TRPM3: variants seen among roughly 807,000 people sequenced by gnomAD.
TRPM3 encodes transient receptor potential cation channel subfamily M member 3.
TRPM3 carries 77 observed loss-of-function variants against 181.2 expected under a neutral mutation model. The observed-to-expected ratio is 0.42, with a 90% confidence interval of 0.35 to 0.51. The LOEUF is 0.51. TRPM3 is among the 20% of genes least tolerant of loss of function. TRPM3 has a pLI of 0.01. For synonymous variants in TRPM3, 745 were observed against 796.4 expected (o/e 0.94, Z 1.09); for missense variants, 1,759 against 2,196.7 (o/e 0.80, Z 3.98).
intron 1 of TRPM3, among the ~76,000 whole-genome samples, chr9:71,013,852 T>A (rs191765464): frequency 6.6e-6 from 1 of 152,194 alleles, no homozygotes; most frequent in East Asian, 1.9e-4. Flanking sequence ...ATTTGTCTAA[T>A]TGATGACCTA....
intron 22 of TRPM3, among the ~76,000 whole-genome samples, chr9:70,586,487 G>A: frequency 6.6e-6 from 1 of 152,220 alleles, no homozygotes. Flanking sequence ...TCTATAACGT[G>A]AGCTGGCTTT....
At chr9:71,077,414 C>T (rs2063616018) in intron 1 of TRPM3, among the ~76,000 whole-genome samples, 1 of 152,188 alleles carries the variant, frequency 6.6e-6, no homozygotes. Flanking sequence ...GACTCATCAT[C>T]ACACACTCCT....
intron 1 of TRPM3, among the ~76,000 whole-genome samples, chr9:71,021,943 A>G (rs1013875753): frequency 2.6e-5 from 4 of 152,226 alleles, no homozygotes; most frequent in Admixed American, 2.0e-4. Context: ...TAGGCAAAAA[A>G]CAAAAGAAGC....
rs536955256 is a variant in TRPM3 at position 70,934,867 on chromosome 9, C to T, written c.178-70356G>A. Among the ~76,000 whole-genome samples the T allele has an allele frequency of 5.9e-5, 9 of 151,986 alleles. No homozygotes were observed. The South Asian group carries it at 1.7e-3, about 28-fold the overall frequency. ...GAATTGCGCAATGGAATGACCTCCTCCCCCCAAAAAAAATAAAAACAAGGA... is the reference window on the plus strand; with the variant it reads ...GAATTGCGCAATGGAATGACCTCCTTCCCCCAAAAAAAATAAAAACAAGGA... On this transcript the variant is annotated intron_variant, in intron 1 of 25. Coordinates refer to ENST00000677713, the MANE Select transcript of TRPM3 (RefSeq NM_001366145.2).
intron 1 of TRPM3, among the ~76,000 whole-genome samples, chr9:71,057,275 C>T (rs1050063798): frequency 2.0e-5 from 3 of 152,016 alleles, no homozygotes; most frequent in Non-Finnish European, 4.4e-5. Context: ...GACACTTTCT[C>T]TACCATTGAG....
At chr9:71,395,921 A>C (rs1327824680) in intron 1 of TRPM3, among the ~76,000 whole-genome samples, 1 of 152,146 alleles carries the variant, frequency 6.6e-6, no homozygotes, top group South Asian at 2.1e-4. Context: ...AATTTGGGGA[A>C]TGTACAAAGG....
At chr9:71,217,019 C>T (rs982000343) in intron 1 of TRPM3, among the ~76,000 whole-genome samples, 3 of 130,400 alleles carry the variant, frequency 2.3e-5, no homozygotes, top group South Asian at 5.2e-4. Flanking sequence ...GGCGCGATCT[C>T]GGCTCACTGC....
intron 1 of TRPM3, among the ~76,000 whole-genome samples, chr9:71,433,196 T>C (rs964626422): frequency 2.0e-5 from 3 of 152,186 alleles, no homozygotes; most frequent in Admixed American, 6.5e-5. Flanking sequence ...ATCTCTGATA[T>C]GGTTTTGCTA....
intron 1 of TRPM3, among the ~76,000 whole-genome samples, chr9:70,875,675 A>C (rs2132622642): frequency 6.6e-6 from 1 of 152,086 alleles, no homozygotes; most frequent in Non-Finnish European, 1.5e-5. Context: ...CCCCTACTAA[A>C]TGATAAATCA....
intron 7 of TRPM3, among the ~76,000 whole-genome samples, chr9:70,778,529 G>T (rs2081897334): frequency 6.6e-6 from 1 of 152,152 alleles, no homozygotes. Flanking sequence ...TCTGTACAAG[G>T]TGTTTCCAAG....
chr9:71,240,437 T>A (rs1365593180), intron 1 of TRPM3, among the ~76,000 whole-genome samples: 2 of 152,140 alleles, frequency 1.3e-5, no homozygotes, highest in Admixed American at 1.3e-4. Context: ...TTGAGTGAGT[T>A]AAAGAATAAA....
At chr9:70,864,535 A>AAAAAAAAAAAG (rs2095602403) in intron 1 of TRPM3, 24 bp from the exon 2 acceptor site, 1 of 1,465,220 alleles carries the variant, frequency 6.8e-7, no homozygotes, top group African/African-American at 1.5e-5. Flanking sequence ...CAAAAAAAAA[A>AAAAAAAAAAAG]AAAAAAGAAA....
chr9:70,933,120 A>G (rs1208031182), intron 1 of TRPM3, among the ~76,000 whole-genome samples: 2 of 152,322 alleles, frequency 1.3e-5, no homozygotes, highest in Non-Finnish European at 1.5e-5. Context: ...AGAAGAGATC[A>G]AGATTCAGTT....
At position 70,851,310 on chromosome 9, in the gene TRPM3, C is replaced by T. The variant is rs1312988279; in HGVS notation, c.463-4719G>A. Among the ~76,000 whole-genome samples the T allele has an allele frequency of 2.6e-5, 4 of 152,302 alleles. No homozygotes were observed. In the East Asian group the frequency reaches 7.7e-4, roughly 29 times the overall value. Reference sequence around the variant, plus strand: ...AATAGATATGCATACATTATTAACTCACATAGTGTGAAGGGAGATTACAAT... The same window carrying T: ...AATAGATATGCATACATTATTAACTTACATAGTGTGAAGGGAGATTACAAT... On this transcript the variant is annotated intron_variant, in intron 3 of 25. Coordinates refer to ENST00000677713, the MANE Select transcript of TRPM3 (RefSeq NM_001366145.2).
At chr9:71,156,371 C>T (rs1040752437) in intron 1 of TRPM3, among the ~76,000 whole-genome samples, 1 of 105,190 alleles carries the variant, frequency 9.5e-6, no homozygotes, top group Non-Finnish European at 1.9e-5. Context: ...TATATATATA[C>T]TACAGACACA....
At chr9:71,229,746 C>T (rs2080926481) in intron 1 of TRPM3, among the ~76,000 whole-genome samples, 1 of 151,950 alleles carries the variant, frequency 6.6e-6, no homozygotes, top group Non-Finnish European at 1.5e-5. Context: ...TCACCTCACC[C>T]CAGTTAAAAT....
chr9:70,746,482 A>G (rs953898564), intron 8 of TRPM3, among the ~76,000 whole-genome samples: 1 of 152,076 alleles, frequency 6.6e-6, no homozygotes, highest in Non-Finnish European at 1.5e-5. Context: ...GCCTCCAGAG[A>G]CTTATCTGTA....
intron 6 of TRPM3, among the ~76,000 whole-genome samples, chr9:70,816,845 A>T (rs1019046330): frequency 1.3e-5 from 2 of 152,220 alleles, no homozygotes; most frequent in African/African-American, 4.8e-5. Context: ...CTAAACCAGG[A>T]TGGTCTAAAA....
chr9:70,830,586 T>G (rs1437429579), intron 5 of TRPM3, among the ~76,000 whole-genome samples: 1 of 152,170 alleles, frequency 6.6e-6, no homozygotes. Context: ...TGCTGAATAA[T>G]AAGGGATAAA....
Sources: gnomAD v4.1 joint callset for allele counts (sites outside exome capture counted in the v4.1 genomes callset) on GRCh38, gnomAD v4.1.1 for gene constraint, MANE v1.5 for transcripts, NCBI Gene and HGNC (gene_info 2026-07-23, HGNC 2026-07-21) for gene names.